Variants in ZNF215 observed in about 807,000 individuals in gnomAD.
ZNF215 encodes BWSCR2-associated zinc finger protein 2.
Under a neutral mutation model 27.2 loss-of-function variants are expected in ZNF215, and 24 were observed. The observed-to-expected ratio is 0.88, with a 90% CI of 0.64 to 1.24. ZNF215 has a LOEUF of 1.24. ZNF215 is among the 50% of genes most tolerant of loss of function. The probability of loss-of-function intolerance (pLI) is 0.00; values close to 1 mark genes in which losing one functional copy is unlikely to be tolerated. For synonymous variants in ZNF215, 210 were observed against 204.0 expected (o/e 1.03, Z -0.25); for missense variants, 675 against 605.7 (o/e 1.11, Z -1.20).
At chr11:6,953,588 G>A (rs1850183083) in intron 6 of ZNF215, among the ~76,000 whole-genome samples, 1 of 152,158 alleles carries the variant, frequency 6.6e-6, no homozygotes. Flanking sequence ...AGCTCCATCA[G>A]CTACTCTAAG....
chr11:6,936,759 A>T (rs1849450106), intron 3 of ZNF215, among the ~76,000 whole-genome samples: 1 of 152,008 alleles, frequency 6.6e-6, no homozygotes, highest in South Asian at 2.1e-4. Context: ...CCAGAAATGC[A>T]AGTATGGTTC....
chr11:6,935,507 T>C (rs1849404069), intron 3 of ZNF215, among the ~76,000 whole-genome samples: 1 of 152,208 alleles, frequency 6.6e-6, no homozygotes, highest in Non-Finnish European at 1.5e-5. Flanking sequence ...ATATAGAGTT[T>C]ACAAAATTAG....
At chr11:6,953,394 C>G (rs895789641) in intron 6 of ZNF215, among the ~76,000 whole-genome samples, 2 of 152,186 alleles carry the variant, frequency 1.3e-5, no homozygotes, top group African/African-American at 2.4e-5. Flanking sequence ...GATTTGGTCT[C>G]TTCACATAGT....
chr11:6,965,144 T>C (rs1252623040), intron 5 of ZNF215, among the ~76,000 whole-genome samples: 2 of 152,116 alleles, frequency 1.3e-5, no homozygotes, highest in East Asian at 1.9e-4. Flanking sequence ...AGAAGAAATA[T>C]CTGAGTGAAA....
At chr11:6,940,061 GA>G (rs1006766289) in intron 3 of ZNF215, among the ~76,000 whole-genome samples, 3 of 144,288 alleles carry the variant, frequency 2.1e-5, no homozygotes, top group Non-Finnish European at 4.6e-5. Flanking sequence ...TGTCTCTAAA[GA>G]AAAAAAAAGA....
intron 5 of ZNF215, among the ~76,000 whole-genome samples, chr11:6,979,465 T>C (rs1012748176): frequency 1.3e-5 from 2 of 152,090 alleles, no homozygotes; most frequent in Non-Finnish European, 2.9e-5. Context: ...GTTACTTATA[T>C]CTGTTTATAA....
chr11:6,934,947 A>AT (rs1172406301), intron 3 of ZNF215, among the ~76,000 whole-genome samples: 1 of 152,196 alleles, frequency 6.6e-6, no homozygotes, highest in Non-Finnish European at 1.5e-5. Context: ...TTGCAGGGTA[A>AT]TACAGAACTG....
At chr11:6,984,386 G>A (rs1281742770) in exon 6 of ZNF215, 1 of 161,718 alleles carries the variant, frequency 6.2e-6, no homozygotes, top group Non-Finnish European at 1.4e-5. Context: ...TGGGATGACA[G>A]GCGTGAGCCA....
rs189223955 is a variant in ZNF215, at chr11:6,979,930, T to C, written c.806-4199T>C. On this transcript the variant is annotated intron_variant, in intron 5 of 5. Coordinates refer to the ZNF215 transcript ENST00000529903. ...TTTTTAAAAGCTTATTTATTTTATTTTGTTTTTCAACCAACTTCCTGAAAC... is the reference window on the plus strand; with the variant it reads ...TTTTTAAAAGCTTATTTATTTTATTCTGTTTTTCAACCAACTTCCTGAAAC... 5.9e-5 allele frequency among the ~76,000 whole-genome samples: 9 copies of C among 152,232 alleles called. 1 individual carries two copies. Among genetic ancestry groups the C allele is most frequent in the Non-Finnish European group, 1.2e-4 (8 of 67,984 alleles).
chr11:6,949,736 A>G (rs1162561189), intron 6 of ZNF215, among the ~76,000 whole-genome samples: 1 of 152,112 alleles, frequency 6.6e-6, no homozygotes, highest in East Asian at 1.9e-4. Context: ...CTTTAGTTTA[A>G]TCAGATCCCA....
In ZNF215 at chr11:6,981,924, T is replaced by C. The variant is rs530493634; in HGVS notation, c.806-2205T>C. 1.7e-3 allele frequency among the ~76,000 whole-genome samples: 265 copies of C among 152,290 alleles called. 1 individual carries two copies. The highest frequency in any genetic ancestry group is 6.1e-3 in the African/African-American group (252 of 41,562). On this transcript the variant is annotated intron_variant, in intron 5 of 5. Transcript: ENST00000529903. ...GTCAAAGATCAGATAGTTGTAGATATGCGGCATTATTTCTGGGGGCTCTGT... is the reference window on the plus strand; with the variant it reads ...GTCAAAGATCAGATAGTTGTAGATACGCGGCATTATTTCTGGGGGCTCTGT...
At chr11:6,949,319 G>T (rs1036824779) in intron 6 of ZNF215, among the ~76,000 whole-genome samples, 3 of 152,146 alleles carry the variant, frequency 2.0e-5, no homozygotes, top group Admixed American at 2.0e-4. Context: ...CTGAGGAATC[G>T]CCACACTAAC....
chr11:6,951,940 T>C (rs1303894553), intron 6 of ZNF215, among the ~76,000 whole-genome samples: 2 of 152,180 alleles, frequency 1.3e-5, no homozygotes, highest in Non-Finnish European at 2.9e-5. Context: ...TGTGTCTTTG[T>C]TCTCACTGGT....
At chr11:6,940,411 C>G (rs555373934) in intron 3 of ZNF215, among the ~76,000 whole-genome samples, 9 of 152,210 alleles carry the variant, frequency 5.9e-5, no homozygotes, top group African/African-American at 2.2e-4. Context: ...CTCGGGAAAT[C>G]CTCCTGCGTC....
rs556528027 is a variant in ZNF215, at chr11:6,975,516, C to A, written c.806-8613C>A. ...TAACCATCCCCACCAGCCTCCCAGC[C>A]CCTAACTACCCTTTCCAGCCTCTGA... is the stretch of plus-strand genomic sequence containing the variant. On this transcript the variant is annotated intron_variant, in intron 5 of 5. Transcript: ENST00000529903. Among the ~76,000 whole-genome samples, 182 of 152,030 alleles carry A rather than the reference C, an allele frequency of 1.2e-3. 1 individual carries two copies. The highest frequency in any genetic ancestry group is 4.1e-3 in the African/African-American group (169 of 41,488).
chr11:6,955,484 A>G (rs1850295177), intron 6 of ZNF215, among the ~76,000 whole-genome samples: 1 of 152,176 alleles, frequency 6.6e-6, no homozygotes, highest in Admixed American at 6.5e-5. Flanking sequence ...GTATTCCAGA[A>G]TAGCTCTCCT....
chr11:6,982,626 T>G (rs2133356668), intron 5 of ZNF215, among the ~76,000 whole-genome samples: 1 of 152,068 alleles, frequency 6.6e-6, no homozygotes, highest in Admixed American at 6.5e-5. Flanking sequence ...CTCAACTACA[T>G]GGAAACTGAA....
intron 5 of ZNF215, among the ~76,000 whole-genome samples, chr11:6,981,749 G>A (rs1220269710): frequency 1.3e-5 from 2 of 152,030 alleles, no homozygotes; most frequent in Non-Finnish European, 2.9e-5. Context: ...TAGGTCTAAC[G>A]TTTAAGTCTT....
chr11:6,944,041 G>A (rs4757981), intron 6 of ZNF215, among the ~76,000 whole-genome samples: 93,640 of 152,132 alleles, frequency 0.62, 30,609 homozygotes, highest in South Asian at 0.79. Flanking sequence ...TTTGGAAGGC[G>A]GAGGCGGGCG....
Sources: allele counts gnomAD v4.1 joint callset (sites outside exome capture counted in the v4.1 genomes callset), GRCh38; gene constraint gnomAD v4.1.1; transcripts MANE v1.5; gene names NCBI Gene and HGNC (gene_info 2026-07-23, HGNC 2026-07-21).